PRKAR1A: variants seen among roughly 807,000 people sequenced by gnomAD.
PRKAR1A encodes the protein cAMP-dependent protein kinase type I-alpha regulatory subunit.
A neutral mutation model predicts 52.0 loss-of-function variants in PRKAR1A; 3 were observed. That is an observed-to-expected ratio of 0.06 (90% CI 0.03 to 0.15). The LOEUF (loss-of-function observed/expected upper bound fraction) is 0.15, where lower values mean the gene tolerates loss of function less well. Among genes scored for constraint, PRKAR1A ranks in the 10% least tolerant of loss-of-function variants. PRKAR1A has a pLI of 1.00. For synonymous variants in PRKAR1A, 188 were observed against 168.4 expected (o/e 1.12, Z -0.90); for missense variants, 240 against 477.4 (o/e 0.50, Z 4.63).
the PRKAR1A span, among the ~76,000 whole-genome samples, chr17:68,452,211 A>G: frequency 1.7e-4 from 26 of 152,236 alleles, 1 homozygote; most frequent in Non-Finnish European, 2.8e-4. Flanking sequence ...CTTCAAACAA[A>G]TACTTCCAAA....
chr17:68,457,477 C>G, the PRKAR1A span: 5 of 1,354,604 alleles, frequency 3.7e-6, no homozygotes, highest in Non-Finnish European at 3.8e-6. Flanking sequence ...ACCTCAGCAG[C>G]CCGCCCGCGC....
intron 7 of PRKAR1A, among the ~76,000 whole-genome samples, chr17:68,526,582 ATAGAT>A (rs775513679): frequency 2.0e-5 from 3 of 152,148 alleles, no homozygotes; most frequent in Non-Finnish European, 2.9e-5. Flanking sequence ...GGATATATAG[ATAGAT>A]TAGATTAGAT....
the PRKAR1A span, chr17:68,444,520 G>A: frequency 1.9e-6 from 3 of 1,613,836 alleles, no homozygotes; most frequent in African/African-American, 2.7e-5. Context: ...ATATCCAGGA[G>A]GGTCTTCAAC....
chr17:68,508,093 G>A (rs1271719740), upstream of PRKAR1A, among the ~76,000 whole-genome samples: 3 of 152,160 alleles, frequency 2.0e-5, no homozygotes, highest in African/African-American at 7.2e-5. Flanking sequence ...GGTTCCCTGA[G>A]GAAGAAGGAG....
chr17:68,426,254 G>GGGCCC, the PRKAR1A span: 1 of 816,918 alleles, frequency 1.2e-6, no homozygotes, highest in Admixed American at 2.3e-5. Flanking sequence ...GGGAGCGGGG[G>GGGCCC]CTCAAATAAA....
intron 11 of PRKAR1A, among the ~76,000 whole-genome samples, chr17:68,545,941 A>G (rs542487238): frequency 4.6e-5 from 7 of 152,042 alleles, no homozygotes; most frequent in South Asian, 2.1e-4. Context: ...AGGCTGAGGC[A>G]GGTGGATCAC....
the PRKAR1A span, chr17:68,450,703 A>C: frequency 6.3e-7 from 1 of 1,586,104 alleles, no homozygotes; most frequent in East Asian, 2.3e-5. Flanking sequence ...GAAGCTTTGA[A>C]ACCCTGAGGG....
At chr17:68,483,025 A>T in the PRKAR1A span, among the ~76,000 whole-genome samples, 1 of 152,196 alleles carries the variant, frequency 6.6e-6, no homozygotes, top group Non-Finnish European at 1.5e-5. Context: ...AACATAGGAA[A>T]TCATTGGCTA....
the PRKAR1A span, among the ~76,000 whole-genome samples, chr17:68,459,620 T>C: frequency 6.6e-6 from 1 of 152,074 alleles, no homozygotes; most frequent in African/African-American, 2.4e-5. Flanking sequence ...GGCCAGAAAA[T>C]TAGACCAAAT....
chr17:68,525,023 A>T, intron 6 of PRKAR1A, 65 bp downstream of exon 6: 2 of 1,323,996 alleles, frequency 1.5e-6, no homozygotes, highest in Non-Finnish European at 2.2e-6. Context: ...GCTTCCGAGC[A>T]ATAAGAATAG....
the PRKAR1A span, among the ~76,000 whole-genome samples, chr17:68,454,801 T>C: frequency 6.6e-6 from 1 of 152,196 alleles, no homozygotes. Context: ...CTTATAACAT[T>C]AATGCAAAGT....
chr17:68,492,237 C>T, the PRKAR1A span, among the ~76,000 whole-genome samples: 2 of 152,140 alleles, frequency 1.3e-5, no homozygotes, highest in South Asian at 4.1e-4. Context: ...AACAGAAGAA[C>T]AGGCAGTGCG....
chr17:68,540,005 C>G lies in PRKAR1A; in HGVS notation c.973+10004C>G, dbSNP rs549931607. ...GAGGACTTAGCTGGAACCAGCAGGC[C>G]AGGGGGACAGGTGCTCCTGACCTGA... On this transcript the variant is annotated intron_variant, in intron 11 of 11. Coordinates refer to the PRKAR1A transcript ENST00000585981. 4 of 1,574,688 alleles carry G rather than the reference C, an allele frequency of 2.5e-6. No individual in the cohort carries two copies. The African/African-American group carries it at 5.4e-5, about 21-fold the overall frequency.
chr17:68,435,876 G>C, the PRKAR1A span, among the ~76,000 whole-genome samples: 1 of 152,156 alleles, frequency 6.6e-6, no homozygotes, highest in African/African-American at 2.4e-5. Context: ...TCATTTTCTG[G>C]TGAATCAAGA....
chr17:68,519,114 G>C (rs894350982), intron 2 of PRKAR1A, among the ~76,000 whole-genome samples: 7 of 152,102 alleles, frequency 4.6e-5, no homozygotes, highest in Admixed American at 2.0e-4. Context: ...GTCTTCTTCT[G>C]AGCCCTCCAG....
At chr17:68,550,800 A>G (rs2086801862) in intron 11 of PRKAR1A, among the ~76,000 whole-genome samples, 1 of 152,190 alleles carries the variant, frequency 6.6e-6, no homozygotes, top group Non-Finnish European at 1.5e-5. Flanking sequence ...AAGGATTTTT[A>G]AAGCCTCCTT....
intron 2 of PRKAR1A, among the ~76,000 whole-genome samples, chr17:68,517,602 C>T (rs897861499): frequency 2.0e-5 from 3 of 152,174 alleles, no homozygotes; most frequent in African/African-American, 7.2e-5. Flanking sequence ...AACCCCCCTG[C>T]CATGATTAAG....
the PRKAR1A span, among the ~76,000 whole-genome samples, chr17:68,417,811 G>A: frequency 3.1e-5 from 4 of 130,460 alleles, no homozygotes; most frequent in East Asian, 2.6e-4. Context: ...GCAGTGGCAC[G>A]ATCTCGGCTC....
the PRKAR1A span, chr17:68,428,661 C>T: frequency 3.2e-4 from 186 of 586,138 alleles, no homozygotes; most frequent in Middle Eastern, 5.0e-3. Context: ...CTGAGGGCAC[C>T]TGACACAGAG....
Sources: allele counts gnomAD v4.1 joint callset (sites outside exome capture counted in the v4.1 genomes callset), GRCh38; gene constraint gnomAD v4.1.1; transcripts MANE v1.5; gene names NCBI Gene and HGNC (gene_info 2026-07-23, HGNC 2026-07-21).